TAOK1: variants seen among roughly 807,000 people sequenced by gnomAD.
TAOK1 encodes the protein TAO kinase 1.
Under a neutral mutation model 138.3 loss-of-function variants are expected in TAOK1, and 21 were observed. That is an observed-to-expected ratio of 0.15 (90% CI 0.11 to 0.22). The LOEUF is 0.22. Ranked by LOEUF, TAOK1 falls within the 10% of genes least tolerant of loss-of-function variation. The pLI is 1.00. For missense variants in TAOK1, 651 were observed against 1,227.7 expected (o/e 0.53, Z 7.02); for synonymous variants, 361 against 398.4 (o/e 0.91, Z 1.12).
chr17:29,489,273 G>A (rs1288152844), intron 8 of TAOK1, among the ~76,000 whole-genome samples: 1 of 152,120 alleles, frequency 6.6e-6, no homozygotes, highest in Non-Finnish European at 1.5e-5. Flanking sequence ...TGAGTTGGGA[G>A]GATCACTTGA....
chr17:29,412,346 A>G (rs1905167475), intron 1 of TAOK1, among the ~76,000 whole-genome samples: 1 of 151,874 alleles, frequency 6.6e-6, no homozygotes, highest in Admixed American at 6.6e-5. Context: ...CCCAGCCGAT[A>G]CAGCCTATTT....
At position 29,502,598 on chromosome 17, in the gene TAOK1, A is replaced by T. The variant is rs372629242; in HGVS notation, c.1213A>T (p.Asn405Tyr). ...SVIHLKPEEE[N>Y]YREEGDPRTR... ...TTTTTTTTTTTCCTAGGAGGAAGAAAATTACAGAGAAGAGGGAGATCCTAG... is the reference window on the plus strand; with the variant it reads ...TTTTTTTTTTTCCTAGGAGGAAGAATATTACAGAGAAGAGGGAGATCCTAG... Residue 405 changes from asparagine (N) to tyrosine (Y), a missense_variant, in exon 13 of 20, where the codon AAT becomes TAT. Asn to Tyr is a moderately radical substitution (Grantham distance 143). This residue lies in a region of TAOK1 where 104 missense variants were observed against 151.7 expected (regional missense o/e 0.69). Coordinates refer to ENST00000261716, the MANE Select transcript of TAOK1 (RefSeq NM_020791.4). 2 of 1,607,300 alleles carry T rather than the reference A, an allele frequency of 1.2e-6. No individual in the cohort carries two copies. Among genetic ancestry groups the T allele is most frequent in the East Asian group, 4.5e-5 (2 of 44,850 alleles).
chr17:29,397,990 C>T (rs917148336), intron 1 of TAOK1, among the ~76,000 whole-genome samples: 12 of 151,986 alleles, frequency 7.9e-5, no homozygotes, highest in South Asian at 4.2e-4. Flanking sequence ...GGGCCGAAGC[C>T]GTGAGTAGCT....
intron 13 of TAOK1, among the ~76,000 whole-genome samples, chr17:29,506,897 C>T (rs2031638058): frequency 6.6e-6 from 1 of 152,110 alleles, no homozygotes; most frequent in African/African-American, 2.4e-5. Flanking sequence ...TATATATGTA[C>T]AGTGGAATTT....
intron 1 of TAOK1, among the ~76,000 whole-genome samples, chr17:29,403,467 A>G (rs888599368): frequency 1.3e-5 from 2 of 152,198 alleles, no homozygotes; most frequent in Non-Finnish European, 2.9e-5. Flanking sequence ...CCTTGATTGT[A>G]CTTGATAAGG....
chr17:29,467,281 T>TC (rs2153025681), intron 3 of TAOK1, 65 bp downstream of exon 3: 1 of 526,936 alleles, frequency 1.9e-6, no homozygotes, highest in East Asian at 5.8e-5. Context: ...ATATACATTC[T>TC]TTTTTTTTTT....
intron 1 of TAOK1, among the ~76,000 whole-genome samples, chr17:29,397,897 G>GT (rs1904713407): frequency 6.6e-6 from 1 of 151,332 alleles, no homozygotes; most frequent in Non-Finnish European, 1.5e-5. Context: ...TTCAGTTTTT[G>GT]TTTTTTTGAG....
At chr17:29,495,767 T>C (rs767829176) in intron 11 of TAOK1, 40 bp downstream of exon 11, 2 of 1,462,364 alleles carry the variant, frequency 1.4e-6, no homozygotes, top group Non-Finnish European at 1.8e-6. Context: ...GAATTTTCAC[T>C]TTTGGTTTCT....
chr17:29,498,638 C>G, intron 12 of TAOK1, 117 bp downstream of exon 12: 1 of 1,207,920 alleles, frequency 8.3e-7, no homozygotes, highest in South Asian at 1.4e-5. Context: ...TGGAACATGG[C>G]TGGGCTCAGT....
chr17:29,489,941 G>A (rs1243894297), intron 9 of TAOK1, among the ~76,000 whole-genome samples, 184 bp downstream of exon 9: 2 of 151,780 alleles, frequency 1.3e-5, no homozygotes, highest in African/African-American at 2.4e-5. Context: ...CATGGCATAC[G>A]TATAACTGAG....
chr17:29,507,089 G>A (rs1313787303), intron 13 of TAOK1, among the ~76,000 whole-genome samples: 1 of 152,096 alleles, frequency 6.6e-6, no homozygotes, highest in African/African-American at 2.4e-5. Flanking sequence ...AGGGGAGAAT[G>A]GAGAGCAACT....
At chr17:29,489,586 A>T (rs1384746306) in intron 8 of TAOK1, 78 bp from the exon 9 acceptor site, 1 of 915,760 alleles carries the variant, frequency 1.1e-6, no homozygotes, top group Admixed American at 2.9e-5. Context: ...TCATTTAAAA[A>T]AAAAAAAGGA....
chr17:29,398,796 T>A (rs1043774412), intron 1 of TAOK1, among the ~76,000 whole-genome samples: 4 of 151,684 alleles, frequency 2.6e-5, no homozygotes, highest in African/African-American at 9.7e-5. Flanking sequence ...CCTCCCAAAG[T>A]GCTGGGATTA....
intron 15 of TAOK1, chr17:29,511,734 A>G (rs1427579843): frequency 1.3e-5 from 2 of 151,770 alleles, no homozygotes; most frequent in Non-Finnish European, 2.9e-5. Flanking sequence ...TTTTGTAGAG[A>G]CAGGGTCTTG....
Position 29,551,445 on chromosome 17 carries a change from G to C in TAOK1, c.*8423G>C, listed in dbSNP as rs1456613702. The stretch of plus-strand genomic sequence containing the variant: ...TTAAAACTGGGACTGATACTTTTTT[G>C]AGAGAGTATCGTGTCGAAAGTGTGA... On this transcript the variant is annotated 3_prime_UTR_variant, in exon 20 of 20. Transcript: ENST00000261716. 2 of 152,114 alleles carry C rather than the reference G, an allele frequency of 1.3e-5. No homozygotes were observed. The highest frequency in any genetic ancestry group is 2.9e-5 in the Non-Finnish European group (2 of 68,032). The allele number at this position is 152,114 out of a possible 1,614,324, so 9.4% of individuals were successfully genotyped here.
chr17:29,528,911 T>C (rs2032058550), intron 17 of TAOK1, among the ~76,000 whole-genome samples: 1 of 150,890 alleles, frequency 6.6e-6, no homozygotes, highest in East Asian at 1.9e-4. Flanking sequence ...AAATGTGCTT[T>C]ATTTTCTGTC....
intron 3 of TAOK1, among the ~76,000 whole-genome samples, chr17:29,474,849 GT>G (rs201960250): frequency 3.8e-5 from 3 of 79,828 alleles, no homozygotes; most frequent in African/African-American, 8.1e-5. Context: ...CCTTCAATTT[GT>G]TTTAAAAAAA....
intron 17 of TAOK1, among the ~76,000 whole-genome samples, chr17:29,530,077 A>G (rs2032077586): frequency 6.6e-6 from 1 of 152,196 alleles, no homozygotes; most frequent in African/African-American, 2.4e-5. Context: ...TGTCATGAAT[A>G]TGCATAGTAA....
At chr17:29,437,398 A>G (rs1240221102) in intron 1 of TAOK1, among the ~76,000 whole-genome samples, 23 of 151,834 alleles carry the variant, frequency 1.5e-4, no homozygotes, top group Admixed American at 1.4e-3. Flanking sequence ...GGGTTTCATC[A>G]TGTTGGCCAG....
Sources: allele counts gnomAD v4.1 joint callset (sites outside exome capture counted in the v4.1 genomes callset), GRCh38; gene constraint gnomAD v4.1.1; regional missense constraint gnomAD v4.1.1; transcripts MANE v1.5; gene names NCBI Gene and HGNC (gene_info 2026-07-23, HGNC 2026-07-21).